Variants in SRGAP1 observed in about 807,000 individuals in gnomAD.
SRGAP1 encodes SLIT-ROBO Rho GTPase-activating protein 1.
SRGAP1 carries 43 observed loss-of-function variants against 121.9 expected under a neutral mutation model. The observed-to-expected ratio is 0.35, with a 90% CI of 0.28 to 0.46. The LOEUF is 0.46. Among genes scored for constraint, SRGAP1 ranks in the 20% least tolerant of loss-of-function variants. The pLI is 1.00. For missense variants in SRGAP1, 1,102 were observed against 1,350.9 expected (o/e 0.82, Z 2.89); for synonymous variants, 447 against 485.4 (o/e 0.92, Z 1.04).
In SRGAP1 at chr12:64,151,626, A is replaced by G. The variant is rs1201608613; in HGVS notation, c.*8954A>G. On this transcript the variant is annotated 3_prime_UTR_variant, in exon 22 of 22. Coordinates refer to ENST00000355086, the MANE Select transcript of SRGAP1 (RefSeq NM_020762.4). The stretch of plus-strand genomic sequence containing the variant: ...TACATCCCTGCCAGTAATGCATAAC[A>G]GTACACGAGTATAAAACATGGTCAT... 1 of 152,222 alleles carries G rather than the reference A, an allele frequency of 6.6e-6. No individual in the cohort carries two copies. Among genetic ancestry groups the G allele is most frequent in the Admixed American group, 6.5e-5 (1 of 15,286 alleles). The allele number at this position is 152,222 out of a possible 1,614,324, so 9.4% of individuals were successfully genotyped here. A position where few individuals can be genotyped will look rare whatever the true frequency, so the allele number is the denominator to read the frequency against.
chr12:63,906,460 G>A (rs1201731848), intron 1 of SRGAP1, among the ~76,000 whole-genome samples: 2 of 151,866 alleles, frequency 1.3e-5, no homozygotes, highest in South Asian at 2.1e-4. Flanking sequence ...GACTACAGGC[G>A]CTGCCACCAC....
chr12:64,039,765 C>G (rs529837963), intron 4 of SRGAP1, among the ~76,000 whole-genome samples: 21 of 152,134 alleles, frequency 1.4e-4, no homozygotes, highest in African/African-American at 4.8e-4. Flanking sequence ...GAAAGAAATG[C>G]AAGGTGTGTG....
At chr12:63,889,965 G>A (rs1900522543) in intron 1 of SRGAP1, among the ~76,000 whole-genome samples, 1 of 151,946 alleles carries the variant, frequency 6.6e-6, no homozygotes, top group South Asian at 2.1e-4. Flanking sequence ...ATTTACCATG[G>A]GTTAATCATT....
At chr12:63,890,520 A>C (rs1900543391) in intron 1 of SRGAP1, among the ~76,000 whole-genome samples, 1 of 152,184 alleles carries the variant, frequency 6.6e-6, no homozygotes, top group Non-Finnish European at 1.5e-5. Context: ...TGACCACTGA[A>C]ATTGAAGCTA....
chr12:64,098,760 G>A (rs1180043283), intron 15 of SRGAP1, among the ~76,000 whole-genome samples: 1 of 152,134 alleles, frequency 6.6e-6, no homozygotes, highest in Non-Finnish European at 1.5e-5. Flanking sequence ...TGCTACTGCT[G>A]CACAGCCCTC....
rs2136666858 is a variant in SRGAP1 at position 64,154,454 on chromosome 12, A to T, written c.*11782A>T. ...GGACTAGATAGCCAGGTAGAAGGAG[A>T]GGAAGGGATGAACCGGGGGTTCGTT... On this transcript the variant is annotated 3_prime_UTR_variant, in exon 22 of 22. Transcript: ENST00000355086. 6.6e-6 allele frequency: 1 copy of T among 152,240 alleles called. No individual in the cohort carries two copies. The highest frequency in any genetic ancestry group is 1.5e-5 in the Non-Finnish European group (1 of 68,028). 9.4% of individuals were successfully genotyped at this position (152,240 alleles called of 1,614,324 possible).
chr12:64,066,090 G>A (rs1418310195), intron 8 of SRGAP1, among the ~76,000 whole-genome samples: 1 of 152,216 alleles, frequency 6.6e-6, no homozygotes, highest in Non-Finnish European at 1.5e-5. Context: ...AAGTTAAAAA[G>A]TTAACTATTG....
chr12:63,983,687 T>G (rs60432456), intron 1 of SRGAP1: 3,965 of 151,484 alleles, frequency 0.026, 200 homozygotes, highest in African/African-American at 0.092. Context: ...GGAGAATCAC[T>G]TGAACCCGGG....
intron 11 of SRGAP1, among the ~76,000 whole-genome samples, chr12:64,088,533 C>T (rs1228004358): frequency 6.6e-6 from 1 of 152,172 alleles, no homozygotes; most frequent in African/African-American, 2.4e-5. Context: ...ACCAAATTAT[C>T]AGGAAGTCAT....
At chr12:64,140,334 G>GT (rs2036937501) in intron 21 of SRGAP1, among the ~76,000 whole-genome samples, 1 of 146,116 alleles carries the variant, frequency 6.8e-6, no homozygotes, top group Non-Finnish European at 1.5e-5. Flanking sequence ...ACCTTGGGCA[G>GT]TATGGCCATT....
At chr12:64,031,317 CAA>C (rs578019090) in intron 4 of SRGAP1, among the ~76,000 whole-genome samples, 13 of 95,660 alleles carry the variant, frequency 1.4e-4, no homozygotes, top group Admixed American at 2.5e-4. Flanking sequence ...GACTCTGTCT[CAA>C]AAAAAAAAAA....
rs558248193 is a variant in SRGAP1, at chr12:64,044,674, C to CTTTTTTTTTTTTTTTTTTTTTTTTT, written c.801+1100_801+1124dup. On this transcript the variant is annotated intron_variant, in intron 6 of 21. Coordinates refer to ENST00000355086, the MANE Select transcript of SRGAP1 (RefSeq NM_020762.4). Reference sequence around the variant, plus strand: ...AGCTTATTAACACTCTGATGTGCCTCTTTTTTTTTTTTTTTTTTTTTTTTT... The same window carrying CTTTTTTTTTTTTTTTTTTTTTTTTT: ...AGCTTATTAACACTCTGATGTGCCTCTTTTTTTTTTTTTTTTTTTTTTTTTTTTTTTTTTTTTTTTTTTTTTTTTT... 3.6e-4 allele frequency among the ~76,000 whole-genome samples: 26 copies of CTTTTTTTTTTTTTTTTTTTTTTTTT among 72,122 alleles called. 4 individuals carry two copies. The highest frequency in any genetic ancestry group is 5.5e-4 in the African/African-American group (12 of 21,754). 47.3% of individuals were successfully genotyped at this position (72,122 alleles called of 152,430 possible). A position where few individuals can be genotyped will look rare whatever the true frequency, so the allele number is the denominator to read the frequency against.
At chr12:63,886,660 T>C (rs944850497) in intron 1 of SRGAP1, among the ~76,000 whole-genome samples, 12 of 151,960 alleles carry the variant, frequency 7.9e-5, no homozygotes, top group Non-Finnish European at 1.5e-4. Flanking sequence ...TTTGTAGATA[T>C]GGGATTCTGC....
In SRGAP1 at chr12:64,156,477, A is replaced by G. The variant is rs140615810; in HGVS notation, c.*13805A>G. On this transcript the variant is annotated 3_prime_UTR_variant, in exon 22 of 22. Coordinates refer to ENST00000355086, the MANE Select transcript of SRGAP1 (RefSeq NM_020762.4). ...CTGCATATGTTACTCATTTTCTATC[A>G]TCCTATTCCTTGTGATGGATACCCA... is the stretch of plus-strand genomic sequence containing the variant. 328 of 152,270 alleles carry G rather than the reference A, an allele frequency of 2.2e-3. No homozygotes were observed. The highest frequency in any genetic ancestry group is 7.6e-3 in the African/African-American group (317 of 41,546). 9.4% of individuals were successfully genotyped at this position (152,270 alleles called of 1,614,324 possible).
intron 3 of SRGAP1, among the ~76,000 whole-genome samples, chr12:64,004,978 TAAG>T (rs1366040779): frequency 1.3e-5 from 2 of 152,212 alleles, no homozygotes; most frequent in African/African-American, 4.8e-5. Context: ...ATATTTGAAT[TAAG>T]AAACACTTGT....
chr12:63,896,928 A>G (rs1900773728), intron 1 of SRGAP1, among the ~76,000 whole-genome samples: 1 of 152,126 alleles, frequency 6.6e-6, no homozygotes, highest in Admixed American at 6.5e-5. Flanking sequence ...AAAATACTTT[A>G]CCCTGGGTTT....
intron 1 of SRGAP1, among the ~76,000 whole-genome samples, chr12:63,907,058 C>A (rs531611964): frequency 6.6e-6 from 1 of 152,216 alleles, no homozygotes; most frequent in African/African-American, 2.4e-5. Flanking sequence ...TTCTCCACAT[C>A]CTCACCACTA....
intron 1 of SRGAP1, among the ~76,000 whole-genome samples, chr12:63,892,885 TA>T (rs112926196): frequency 0.098 from 14,739 of 149,880 alleles, 889 homozygotes; most frequent in African/African-American, 0.17. Context: ...ACTACTGTGC[TA>T]AAAAAAAAAT....
chr12:64,035,998 A>G (rs1391683983), intron 4 of SRGAP1, among the ~76,000 whole-genome samples: 1 of 152,228 alleles, frequency 6.6e-6, no homozygotes, highest in Non-Finnish European at 1.5e-5. Flanking sequence ...CAGGGGCATT[A>G]GGAAACTTGC....
Sources: gnomAD v4.1 joint callset for allele counts (sites outside exome capture counted in the v4.1 genomes callset) on GRCh38, gnomAD v4.1.1 for gene constraint, MANE v1.5 for transcripts, NCBI Gene and HGNC (gene_info 2026-07-23, HGNC 2026-07-21) for gene names.